The following RGS7BP variants were observed in gnomAD, a reference collection of about 807,000 sequenced individuals.
RGS7BP encodes the protein regulator of G protein signaling 7 binding protein, also known as regulator of G protein signaling 7-binding protein.
RGS7BP carries 9 observed loss-of-function variants against 31.3 expected under a neutral mutation model. The observed-to-expected ratio is 0.29, with a 90% CI of 0.17 to 0.50. The LOEUF is 0.50. RGS7BP is among the 20% of genes least tolerant of loss of function. The pLI is 0.98. For missense variants in RGS7BP, 274 were observed against 322.0 expected, an observed-to-expected ratio of 0.85 and a Z score of 1.14; for synonymous variants, 115 against 120.1, an observed-to-expected ratio of 0.96 and a Z score of 0.28.
intron 2 of RGS7BP, among the ~76,000 whole-genome samples, chr5:64,509,593 C>T (rs1398663146): frequency 2.0e-5 from 3 of 151,908 alleles, no homozygotes; most frequent in Non-Finnish European, 4.4e-5. Context: ...GCTATGTTAC[C>T]CCGGCTGGTC....
chr5:64,541,749 AT>A (rs1171862321), intron 2 of RGS7BP, among the ~76,000 whole-genome samples: 6 of 151,606 alleles, frequency 4.0e-5, no homozygotes, highest in South Asian at 2.1e-4. Context: ...CAGTAGCATT[AT>A]TTTTTTTCAG....
chr5:64,598,921 C>A (rs569801774), intron 5 of RGS7BP, among the ~76,000 whole-genome samples: 1 of 152,098 alleles, frequency 6.6e-6, no homozygotes, highest in Non-Finnish European at 1.5e-5. Flanking sequence ...TAGAAACTGG[C>A]GCACAGAAAG....
intron 2 of RGS7BP, among the ~76,000 whole-genome samples, chr5:64,567,287 G>T (rs781508028): frequency 3.9e-5 from 6 of 152,046 alleles, no homozygotes; most frequent in African/African-American, 1.4e-4. Flanking sequence ...AGAGGAGTCC[G>T]TTTGGAACTG....
intron 2 of RGS7BP, among the ~76,000 whole-genome samples, chr5:64,535,158 G>A (rs1049985566): frequency 6.6e-6 from 1 of 152,198 alleles, no homozygotes; most frequent in African/African-American, 2.4e-5. Flanking sequence ...CTGGATTGGA[G>A]GGCTGAAGAG....
chr5:64,596,518 C>T (rs1173699180), intron 4 of RGS7BP, among the ~76,000 whole-genome samples: 4 of 152,110 alleles, frequency 2.6e-5, no homozygotes, highest in Non-Finnish European at 5.9e-5. Flanking sequence ...TGCCTCAATC[C>T]CCCATGTTGC....
intron 2 of RGS7BP, among the ~76,000 whole-genome samples, chr5:64,533,153 C>T (rs569888481): frequency 6.6e-6 from 1 of 152,226 alleles, no homozygotes; most frequent in Admixed American, 6.5e-5. Flanking sequence ...CTAGGTAGTC[C>T]CTTCATTTCT....
intron 2 of RGS7BP, among the ~76,000 whole-genome samples, chr5:64,510,498 T>C (rs1326204019): frequency 6.6e-6 from 1 of 152,130 alleles, no homozygotes; most frequent in Non-Finnish European, 1.5e-5. Context: ...AGCAAATCTA[T>C]AGAGACAGAA....
At chr5:64,524,162 T>C (rs778122223) in intron 2 of RGS7BP, among the ~76,000 whole-genome samples, 10 of 152,246 alleles carry the variant, frequency 6.6e-5, no homozygotes, top group Non-Finnish European at 1.0e-4. Context: ...AAAAGAGTTA[T>C]GGCCATTTCT....
chr5:64,532,377 CG>C (rs1291605383), intron 2 of RGS7BP, among the ~76,000 whole-genome samples: 12 of 151,808 alleles, frequency 7.9e-5, no homozygotes, highest in Non-Finnish European at 2.9e-5. Flanking sequence ...AGAAGAGCCC[CG>C]TAGAACAATG....
intron 3 of RGS7BP, among the ~76,000 whole-genome samples, chr5:64,586,383 C>A (rs1034905302): frequency 6.6e-6 from 1 of 152,210 alleles, no homozygotes; most frequent in African/African-American, 2.4e-5. Context: ...CATCAACTTG[C>A]AAGTTCCTTC....
intron 2 of RGS7BP, among the ~76,000 whole-genome samples, chr5:64,541,444 C>T (rs13157802): frequency 0.082 from 12,538 of 152,206 alleles, 657 homozygotes; most frequent in African/African-American, 0.13. Context: ...GTCCCCAAAA[C>T]GCAGCAGCTG....
chr5:64,524,965 C>T (rs571869427), intron 2 of RGS7BP, among the ~76,000 whole-genome samples: 3 of 152,050 alleles, frequency 2.0e-5, no homozygotes, highest in Non-Finnish European at 4.4e-5. Flanking sequence ...CAATTCTATG[C>T]CATACTTGGT....
At position 64,556,486 on chromosome 5, in the gene RGS7BP, G is replaced by A. The variant is rs1282717345; in HGVS notation, c.333-19288G>A. ...AAAATTGGCTTCCAGTGATTTTAAC[G>A]GAGTAAAAGAAAATGTCCAGATGGT... On this transcript the variant is annotated intron_variant, in intron 2 of 5. Transcript: ENST00000334025. 9.1e-5 allele frequency among the ~76,000 whole-genome samples: 13 copies of A among 142,714 alleles called. No individual in the cohort carries two copies. In the South Asian group the frequency reaches 9.3e-4, roughly 10 times the overall value. The allele number at this position is 142,714 out of a possible 152,430, so 93.6% of individuals were successfully genotyped here.
rs563472155 is a variant in RGS7BP, at chr5:64,587,145, AAGAGGTGTACATCACTCCTGATC to A, written c.464-7560_464-7538del. On this transcript the variant is annotated intron_variant, in intron 3 of 5. Coordinates refer to ENST00000334025, the MANE Select transcript of RGS7BP (RefSeq NM_001029875.3). The stretch of plus-strand genomic sequence containing the variant: ...GGAGGACTTTTAGGGGCCAGTCTGG[AAGAGGTGTACATCACTCCTGATC>A]AGAGTCCATTGGCCATAGCTCTGTC... Among the ~76,000 whole-genome samples, 15 of 152,262 alleles carry A rather than the reference AAGAGGTGTACATCACTCCTGATC, an allele frequency of 9.9e-5. No individual in the cohort carries two copies. In the East Asian group the frequency reaches 2.9e-3, roughly 29 times the overall value.
chr5:64,553,748 A>G lies in RGS7BP; in HGVS notation c.333-22026A>G, dbSNP rs999073633. Among the ~76,000 whole-genome samples, 3 of 152,164 alleles carry G rather than the reference A, an allele frequency of 2.0e-5. No homozygotes were observed. The East Asian group carries it at 5.8e-4, about 29-fold the overall frequency. On this transcript the variant is annotated intron_variant, in intron 2 of 5. Transcript: ENST00000334025. ...TGTGTAAGATTGAGTGAGATAATGT[A>G]TCTATTTCTGGCAAGACACTGGTTA...
At chr5:64,598,543 A>G (rs886346604) in intron 5 of RGS7BP, 108 bp downstream of exon 5, 9 of 753,096 alleles carry the variant, frequency 1.2e-5, no homozygotes, top group Non-Finnish European at 2.4e-6. Flanking sequence ...AGTAGAAGGC[A>G]TTGAGCATTC....
At chr5:64,574,296 G>T (rs892505942) in intron 2 of RGS7BP, among the ~76,000 whole-genome samples, 6 of 151,928 alleles carry the variant, frequency 3.9e-5, no homozygotes, top group Non-Finnish European at 7.4e-5. Context: ...GTGTGTCTGG[G>T]TGTATGTGTC....
intron 3 of RGS7BP, among the ~76,000 whole-genome samples, chr5:64,584,312 C>T (rs1742684146): frequency 6.6e-6 from 1 of 152,038 alleles, no homozygotes; most frequent in South Asian, 2.1e-4. Context: ...AATTTTAACT[C>T]CATATATCAT....
chr5:64,545,005 G>T (rs887552813), intron 2 of RGS7BP, among the ~76,000 whole-genome samples: 12 of 151,942 alleles, frequency 7.9e-5, no homozygotes, highest in Admixed American at 2.6e-4. Flanking sequence ...CGAAAACCCC[G>T]TCTCTACTAA....
Sources: allele counts gnomAD v4.1 joint callset (sites outside exome capture counted in the v4.1 genomes callset), GRCh38; gene constraint gnomAD v4.1.1; transcripts MANE v1.5; gene names NCBI Gene and HGNC (gene_info 2026-07-23, HGNC 2026-07-21).